THSD4: variants seen among roughly 807,000 people sequenced by gnomAD.
The protein encoded by THSD4 is thrombospondin type 1 domain containing 4, also known as thrombospondin type-1 domain-containing protein 4.
Under a neutral mutation model 119.0 loss-of-function variants are expected in THSD4, and 69 were observed. That is an observed-to-expected ratio of 0.58 (90% CI 0.48 to 0.71). The LOEUF (loss-of-function observed/expected upper bound fraction) is 0.71, where lower values mean the gene tolerates loss of function less well. Among genes scored for constraint, THSD4 ranks in the 30% least tolerant of loss-of-function variants. THSD4 has a pLI of 0.00. For synonymous variants in THSD4, 524 were observed against 540.4 expected, an observed-to-expected ratio of 0.97 and a Z score of 0.42; for missense variants, 1,393 against 1,391.1, an observed-to-expected ratio of 1.00 and a Z score of -0.02.
chr15:71,564,421 T>C (rs2140886708), intron 7 of THSD4, among the ~76,000 whole-genome samples: 1 of 152,262 alleles, frequency 6.6e-6, no homozygotes, highest in South Asian at 2.1e-4. Context: ...TTAGGGCATG[T>C]TGCCTAAGTA....
chr15:71,656,369 T>A (rs916843260), intron 7 of THSD4, among the ~76,000 whole-genome samples: 5 of 152,094 alleles, frequency 3.3e-5, no homozygotes, highest in African/African-American at 1.2e-4. Context: ...CTTACACTAT[T>A]TCAAAATAAA....
intron 4 of THSD4, among the ~76,000 whole-genome samples, chr15:71,222,646 A>G (rs1159661806): frequency 6.6e-6 from 1 of 152,178 alleles, no homozygotes; most frequent in Non-Finnish European, 1.5e-5. Context: ...TGGGCTTCCC[A>G]GAACTTCCCA....
chr15:71,454,883 T>C (rs1403208256), intron 7 of THSD4, among the ~76,000 whole-genome samples: 1 of 152,174 alleles, frequency 6.6e-6, no homozygotes, highest in Non-Finnish European at 1.5e-5. Flanking sequence ...CAAAGCCCAG[T>C]TGAAGAGATC....
At chr15:71,241,887 T>G (rs2044156266) in intron 4 of THSD4, among the ~76,000 whole-genome samples, 1 of 152,182 alleles carries the variant, frequency 6.6e-6, no homozygotes, top group African/African-American at 2.4e-5. Flanking sequence ...TCTTAAAACA[T>G]TATGAGATTT....
At chr15:71,468,731 C>G (rs927262329) in intron 7 of THSD4, among the ~76,000 whole-genome samples, 13 of 152,228 alleles carry the variant, frequency 8.5e-5, no homozygotes, top group Non-Finnish European at 1.9e-4. Flanking sequence ...ACTGGACCCT[C>G]TTCTGTCTTA....
intron 12 of THSD4, among the ~76,000 whole-genome samples, chr15:71,745,643 C>T (rs8028319): frequency 0.68 from 103,361 of 152,050 alleles, 36,164 homozygotes; most frequent in East Asian, 0.88. Context: ...TGAACTGTTT[C>T]GGTTTTTTGG....
At position 71,584,563 on chromosome 15, in the gene THSD4, C is replaced by G. The variant is rs538705160; in HGVS notation, c.1153-75967C>G. 2.1e-3 allele frequency among the ~76,000 whole-genome samples: 319 copies of G among 152,186 alleles called. No homozygotes were observed. The Middle Eastern group carries it at 0.037, about 18-fold the overall frequency. On this transcript the variant is annotated intron_variant, in intron 7 of 17. Coordinates refer to ENST00000261862, the MANE Select transcript of THSD4 (RefSeq NM_024817.3). Reference sequence around the variant, plus strand: ...GAATTATAGACATGAGCCACCATGCCCAGCCTTGACTTTTTTCACTTTCAA... The same window carrying G: ...GAATTATAGACATGAGCCACCATGCGCAGCCTTGACTTTTTTCACTTTCAA...
At chr15:71,121,098 A>G (rs1232282004) in intron 1 of THSD4, among the ~76,000 whole-genome samples, 3 of 152,138 alleles carry the variant, frequency 2.0e-5, no homozygotes, top group African/African-American at 7.2e-5. Context: ...TGCCAGACAT[A>G]CTTTTCCCCC....
chr15:71,656,153 T>C (rs992859727), intron 7 of THSD4, among the ~76,000 whole-genome samples: 5 of 152,164 alleles, frequency 3.3e-5, no homozygotes, highest in Non-Finnish European at 5.9e-5. Flanking sequence ...ATACATGTGA[T>C]AATAGTTCAT....
At chr15:71,370,408 T>A (rs1304172349) in intron 6 of THSD4, among the ~76,000 whole-genome samples, 2 of 152,234 alleles carry the variant, frequency 1.3e-5, no homozygotes, top group African/African-American at 4.8e-5. Flanking sequence ...TCCTTTCTCT[T>A]GTGGGCATTT....
At chr15:71,109,121 T>C (rs2040286835) in intron 1 of THSD4, among the ~76,000 whole-genome samples, 2 of 152,258 alleles carry the variant, frequency 1.3e-5, no homozygotes, top group African/African-American at 4.8e-5. Flanking sequence ...TCCTGAACAC[T>C]GATCCTGTAG....
At chr15:71,308,264 C>A (rs79449163) in intron 6 of THSD4, among the ~76,000 whole-genome samples, 21,199 of 152,260 alleles carry the variant, frequency 0.14, 1,477 homozygotes, top group Middle Eastern at 0.19. Context: ...TTGAGCATCG[C>A]AGGCCTGCTG....
intron 6 of THSD4, among the ~76,000 whole-genome samples, chr15:71,339,826 G>A (rs552808306): frequency 5.3e-5 from 8 of 152,002 alleles, no homozygotes; most frequent in East Asian, 1.9e-4. Flanking sequence ...GTGCAGTGGC[G>A]CGATCTCCGC....
intron 7 of THSD4, among the ~76,000 whole-genome samples, chr15:71,507,568 A>G (rs1043439251): frequency 1.3e-5 from 2 of 152,142 alleles, no homozygotes; most frequent in Admixed American, 1.3e-4. Flanking sequence ...CCAAAGTTTG[A>G]AAGGTGGGGG....
rs2053926883 is a variant in THSD4 at position 71,777,105 on chromosome 15, C to G, written c.2915-127C>G. On this transcript the variant is annotated intron_variant, in intron 17 of 17. Transcript: ENST00000261862. ...AACCTGTGAGCCCTTGGCACACATT[C>G]ATACCCCACAATGGTAATAAACAGC... 7.4e-6 allele frequency: 8 copies of G among 1,080,702 alleles called. No individual in the cohort carries two copies. The Admixed American group carries it at 1.6e-4, about 22-fold the overall frequency. The allele number at this position is 1,080,702 out of a possible 1,614,324, so 66.9% of individuals were successfully genotyped here.
rs550797230 is a variant in THSD4 at position 71,308,692 on chromosome 15, A to G, written c.1015+51977A>G. ...CATGGGTTGTTTCCACTTTTTAGCT[A>G]TTATGAATAATGCTGCTATGAATAT... is the stretch of plus-strand genomic sequence containing the variant. On this transcript the variant is annotated intron_variant, in intron 6 of 17. Transcript: ENST00000261862. Among the ~76,000 whole-genome samples the G allele has an allele frequency of 3.3e-5, 5 of 152,284 alleles. No individual in the cohort carries two copies. The East Asian group carries it at 7.7e-4, about 24-fold the overall frequency.
intron 7 of THSD4, among the ~76,000 whole-genome samples, chr15:71,593,824 A>G (rs11636866): frequency 0.31 from 46,361 of 151,846 alleles, 8,181 homozygotes; most frequent in Non-Finnish European, 0.39. Context: ...AGATTGCTTG[A>G]GCCTGGGAGG....
At chr15:71,634,045 G>A (rs2050688516) in intron 7 of THSD4, among the ~76,000 whole-genome samples, 2 of 152,076 alleles carry the variant, frequency 1.3e-5, no homozygotes, top group African/African-American at 4.8e-5. Flanking sequence ...AAATTAGCAG[G>A]GCATGGCAGT....
intron 7 of THSD4, among the ~76,000 whole-genome samples, chr15:71,596,755 C>T (rs916204051): frequency 1.3e-5 from 2 of 152,200 alleles, no homozygotes; most frequent in Non-Finnish European, 2.9e-5. Flanking sequence ...TAGAATCCTG[C>T]GGGCCTCCTG....
Sources: gnomAD v4.1 joint callset for allele counts (sites outside exome capture counted in the v4.1 genomes callset) on GRCh38, gnomAD v4.1.1 for gene constraint, MANE v1.5 for transcripts, NCBI Gene and HGNC (gene_info 2026-07-23, HGNC 2026-07-21) for gene names.